Variants in MARCHF1 observed in about 807,000 individuals in gnomAD.
MARCHF1 encodes the protein E3 ubiquitin-protein ligase MARCHF1.
Under a neutral mutation model 54.2 loss-of-function variants are expected in MARCHF1, and 40 were observed. The ratio of observed to expected loss-of-function variants is 0.74; its 90% CI spans 0.57 to 0.96. MARCHF1 has a LOEUF of 0.96. MARCHF1 is among the 40% of genes least tolerant of loss of function. The pLI is 0.00. For synonymous variants in MARCHF1, 236 were observed against 236.3 expected (o/e 1.00, Z 0.01); for missense variants, 586 against 656.5 (o/e 0.89, Z 1.17).
intron 2 of MARCHF1, among the ~76,000 whole-genome samples, chr4:164,075,324 C>A (rs546546570): frequency 6.6e-5 from 10 of 152,226 alleles, no homozygotes; most frequent in African/African-American, 2.4e-4. Context: ...GGTTTCACTA[C>A]GCAGCTTGCT....
intron 2 of MARCHF1, among the ~76,000 whole-genome samples, chr4:164,094,402 G>A (rs1287396243): frequency 6.6e-6 from 1 of 152,108 alleles, no homozygotes; most frequent in Non-Finnish European, 1.5e-5. Context: ...AGTTCAAGGT[G>A]CAGCCAAGTT....
chr4:164,381,127 T>C (rs1731357305), intron 1 of MARCHF1, among the ~76,000 whole-genome samples: 1 of 152,218 alleles, frequency 6.6e-6, no homozygotes, highest in African/African-American at 2.4e-5. Flanking sequence ...CCTTGGAACA[T>C]CACTATTGCC....
intron 3 of MARCHF1, among the ~76,000 whole-genome samples, chr4:163,876,349 G>C (rs2111231468): frequency 6.6e-6 from 1 of 152,160 alleles, no homozygotes; most frequent in Middle Eastern, 3.4e-3. Flanking sequence ...TAGAGACTTG[G>C]ATATCATTCA....
chr4:163,874,456 T>C (rs1417505264), intron 3 of MARCHF1, among the ~76,000 whole-genome samples: 2 of 152,136 alleles, frequency 1.3e-5, no homozygotes, highest in East Asian at 1.9e-4. Context: ...TTTGTATTAG[T>C]GGGGAACAAA....
chr4:163,701,129 T>A, intron 4 of MARCHF1, among the ~76,000 whole-genome samples: 1 of 152,284 alleles, frequency 6.6e-6, no homozygotes, highest in South Asian at 2.1e-4. Context: ...CAGGAAATAA[T>A]TATTTCTCCA....
At chr4:163,609,202 CAT>C (rs1167125165) in intron 7 of MARCHF1, among the ~76,000 whole-genome samples, 2 of 152,058 alleles carry the variant, frequency 1.3e-5, no homozygotes, top group South Asian at 2.1e-4. Flanking sequence ...TAATATGTCT[CAT>C]ATTGTCTGCT....
At chr4:163,655,666 C>G (rs1274817399) in intron 5 of MARCHF1, among the ~76,000 whole-genome samples, 1 of 151,916 alleles carries the variant, frequency 6.6e-6, no homozygotes, top group Non-Finnish European at 1.5e-5. Flanking sequence ...GCAAAACACT[C>G]CTCAGCAAAT....
At chr4:163,988,074 G>C (rs961336249) in intron 3 of MARCHF1, among the ~76,000 whole-genome samples, 2 of 152,160 alleles carry the variant, frequency 1.3e-5, no homozygotes, top group African/African-American at 4.8e-5. Flanking sequence ...CTGTCCCTTT[G>C]TTAAGACAGT....
At chr4:164,195,858 A>G (rs1731241115) in intron 1 of MARCHF1, among the ~76,000 whole-genome samples, 1 of 151,558 alleles carries the variant, frequency 6.6e-6, no homozygotes, top group Non-Finnish European at 1.5e-5. Context: ...TTATTTTTAT[A>G]CATGATATTA....
At chr4:163,671,573 T>C (rs1197956539) in intron 5 of MARCHF1, among the ~76,000 whole-genome samples, 1 of 152,170 alleles carries the variant, frequency 6.6e-6, no homozygotes, top group Non-Finnish European at 1.5e-5. Flanking sequence ...AGTGATGGAG[T>C]GGGTCACATA....
intron 4 of MARCHF1, among the ~76,000 whole-genome samples, chr4:163,838,699 C>T (rs1749258720): frequency 6.6e-6 from 1 of 152,054 alleles, no homozygotes; most frequent in South Asian, 2.1e-4. Flanking sequence ...TAACTGTATT[C>T]ATGAAAAAGA....
At chr4:164,311,031 G>A (rs1734836701) in intron 1 of MARCHF1, among the ~76,000 whole-genome samples, 1 of 152,040 alleles carries the variant, frequency 6.6e-6, no homozygotes, top group Admixed American at 6.6e-5. Context: ...GAATTCCAAG[G>A]AAAATAAAAA....
At chr4:163,576,289 T>C (rs1410685518) in intron 8 of MARCHF1, among the ~76,000 whole-genome samples, 1 of 152,150 alleles carries the variant, frequency 6.6e-6, no homozygotes, top group African/African-American at 2.4e-5. Flanking sequence ...CTTAATGTAA[T>C]TGTTTACTCA....
intron 2 of MARCHF1, among the ~76,000 whole-genome samples, chr4:164,077,070 C>T (rs545782581): frequency 6.6e-6 from 1 of 151,828 alleles, no homozygotes; most frequent in South Asian, 2.1e-4. Flanking sequence ...CTGTATAGCC[C>T]AGACAATCCT....
At chr4:163,781,938 G>C (rs1256537358) in intron 4 of MARCHF1, among the ~76,000 whole-genome samples, 2 of 151,976 alleles carry the variant, frequency 1.3e-5, no homozygotes, top group Non-Finnish European at 2.9e-5. Flanking sequence ...GGCACTTTTT[G>C]AAAAAGCTGT....
chr4:164,122,777 A>T (rs1480599599), intron 1 of MARCHF1, among the ~76,000 whole-genome samples: 1 of 152,048 alleles, frequency 6.6e-6, no homozygotes, highest in Non-Finnish European at 1.5e-5. Context: ...ACCCCAGGCC[A>T]TATACCCCAG....
intron 1 of MARCHF1, among the ~76,000 whole-genome samples, chr4:164,126,456 G>A (rs1235847670): frequency 6.6e-6 from 1 of 152,186 alleles, no homozygotes; most frequent in East Asian, 1.9e-4. Context: ...ATGGTATTTA[G>A]TTAAAACAAC....
chr4:163,922,714 G>T (rs1010629165), intron 3 of MARCHF1, among the ~76,000 whole-genome samples: 1 of 152,102 alleles, frequency 6.6e-6, no homozygotes, highest in African/African-American at 2.4e-5. Context: ...AATAAAGCAA[G>T]TTCACTAAAA....
chr4:163,543,079 G>A (rs1023591587), intron 9 of MARCHF1, among the ~76,000 whole-genome samples: 1 of 152,128 alleles, frequency 6.6e-6, no homozygotes. Context: ...CTAGGTCACG[G>A]GGGCAGCATA....
Sources: gnomAD v4.1 joint callset for allele counts (sites outside exome capture counted in the v4.1 genomes callset) on GRCh38, gnomAD v4.1.1 for gene constraint, MANE v1.5 for transcripts, NCBI Gene and HGNC (gene_info 2026-07-23, HGNC 2026-07-21) for gene names.